Variants in LOC128092253 observed in about 807,000 individuals in gnomAD.
the LOC128092253 span, among the ~76,000 whole-genome samples, chr6:133,979,240 A>G: frequency 6.6e-6 from 1 of 152,250 alleles, no homozygotes; most frequent in Non-Finnish European, 1.5e-5. Context: ...TTCAGAAAGA[A>G]AATAATGAAT....
At chr6:133,971,584 GT>G in the LOC128092253 span, among the ~76,000 whole-genome samples, 39 of 41,052 alleles carry the variant, frequency 9.5e-4, no homozygotes, top group African/African-American at 2.7e-3. Context: ...CATAGGTGTT[GT>G]TGTTGTTGTT....
chr6:133,964,261 C>T, the LOC128092253 span, among the ~76,000 whole-genome samples: 6 of 152,038 alleles, frequency 3.9e-5, no homozygotes, highest in Admixed American at 6.6e-5. Flanking sequence ...TTTTGAGTGA[C>T]GCACCCTTCA....
the LOC128092253 span, among the ~76,000 whole-genome samples, chr6:133,969,816 G>GT: frequency 6.6e-6 from 1 of 152,234 alleles, no homozygotes; most frequent in Non-Finnish European, 1.5e-5. Flanking sequence ...TGAAGGGGAA[G>GT]TGGTGAGTTC....
chr6:133,980,044 ATTTAAG>A, the LOC128092253 span: 2 of 1,336,948 alleles, frequency 1.5e-6, no homozygotes, highest in Non-Finnish European at 2.0e-6. Context: ...AATTAACAAC[ATTTAAG>A]TTTAATGACT....
At chr6:133,968,979 C>G in the LOC128092253 span, 1 of 152,152 alleles carries the variant, frequency 6.6e-6, no homozygotes, top group South Asian at 2.1e-4. Flanking sequence ...AGTTTTCTTA[C>G]TTTATAGATA....
At chr6:133,978,314 T>A in the LOC128092253 span, among the ~76,000 whole-genome samples, 1 of 152,218 alleles carries the variant, frequency 6.6e-6, no homozygotes, top group African/African-American at 2.4e-5. Context: ...TGCTAAGTAC[T>A]TTTCATACAT....
the LOC128092253 span, among the ~76,000 whole-genome samples, chr6:133,957,090 A>T: frequency 6.6e-6 from 1 of 152,232 alleles, no homozygotes; most frequent in Admixed American, 6.5e-5. Flanking sequence ...CTGTGACTAA[A>T]GGGTGATAAA....
the LOC128092253 span, among the ~76,000 whole-genome samples, chr6:133,956,771 C>T: frequency 6.6e-6 from 1 of 152,178 alleles, no homozygotes; most frequent in Non-Finnish European, 1.5e-5. Flanking sequence ...CTTTCTCAAG[C>T]ATGATTACAG....
At chr6:133,976,242 A>G in the LOC128092253 span, among the ~76,000 whole-genome samples, 2 of 152,208 alleles carry the variant, frequency 1.3e-5, no homozygotes, top group East Asian at 3.8e-4. Context: ...ATAATTTGGA[A>G]TTCTAGGTAG....
At chr6:133,969,358 T>G in the LOC128092253 span, among the ~76,000 whole-genome samples, 3 of 152,012 alleles carry the variant, frequency 2.0e-5, no homozygotes, top group Non-Finnish European at 4.4e-5. Context: ...ATATAGATTT[T>G]TTTAACCATA....
At chr6:133,972,964 A>G in the LOC128092253 span, among the ~76,000 whole-genome samples, 1 of 152,204 alleles carries the variant, frequency 6.6e-6, no homozygotes, top group African/African-American at 2.4e-5. Flanking sequence ...CCAGTGTCAC[A>G]TAGCTAAATG....
At chr6:133,970,214 C>T in the LOC128092253 span, among the ~76,000 whole-genome samples, 1 of 152,284 alleles carries the variant, frequency 6.6e-6, no homozygotes, top group East Asian at 1.9e-4. Flanking sequence ...TTTTTCCATT[C>T]TTATGCTAAA....
the LOC128092253 span, among the ~76,000 whole-genome samples, chr6:133,966,718 T>A: frequency 3.3e-5 from 5 of 152,138 alleles, no homozygotes; most frequent in African/African-American, 1.2e-4. Flanking sequence ...CTGCAGTCAT[T>A]CTCCATCTCC....
chr6:133,968,621 C>T, the LOC128092253 span, among the ~76,000 whole-genome samples: 5 of 152,148 alleles, frequency 3.3e-5, no homozygotes, highest in African/African-American at 7.2e-5. Flanking sequence ...AGTCCACTGT[C>T]GTGTAGCTTC....
At chr6:133,955,965 A>C in the LOC128092253 span, among the ~76,000 whole-genome samples, 1 of 152,248 alleles carries the variant, frequency 6.6e-6, no homozygotes, top group Non-Finnish European at 1.5e-5. Context: ...ACAAATATTT[A>C]TGAAACATAT....
the LOC128092253 span, among the ~76,000 whole-genome samples, chr6:133,966,631 C>T: frequency 6.6e-6 from 1 of 152,184 alleles, no homozygotes; most frequent in African/African-American, 2.4e-5. Context: ...ACCCCTCCTA[C>T]CTTTCTCATC....
the LOC128092253 span, among the ~76,000 whole-genome samples, chr6:133,958,830 A>G: frequency 6.6e-6 from 1 of 152,096 alleles, no homozygotes; most frequent in African/African-American, 2.4e-5. Context: ...AAGTGTTATA[A>G]TTCCTTCTTC....
chr6:133,956,929 T>C, the LOC128092253 span, among the ~76,000 whole-genome samples: 1 of 152,208 alleles, frequency 6.6e-6, no homozygotes, highest in Non-Finnish European at 1.5e-5. Context: ...CCAGGCTACA[T>C]AGACAAATTT....
the LOC128092253 span, among the ~76,000 whole-genome samples, chr6:133,973,723 T>C: frequency 2.6e-5 from 4 of 152,194 alleles, no homozygotes; most frequent in South Asian, 8.3e-4. Context: ...ACTTCTATGA[T>C]GTATTTTAAT....
Sources: allele counts gnomAD v4.1 joint callset (sites outside exome capture counted in the v4.1 genomes callset), GRCh38; gene constraint gnomAD v4.1.1; transcripts MANE v1.5.